Variants in PHF24 observed in about 807,000 individuals in gnomAD.
PHF24 encodes the protein Galpha inhibitory interacting protein.
PHF24 carries 25 observed loss-of-function variants against 42.6 expected under a neutral mutation model. The observed-to-expected ratio is 0.59, with a 90% CI of 0.43 to 0.82. PHF24 has a LOEUF of 0.82. PHF24 is among the 40% of genes least tolerant of loss of function. The pLI, the probability that PHF24 is intolerant of heterozygous loss-of-function variation, is 0.00. For missense variants in PHF24, 470 were observed against 538.1 expected, an observed-to-expected ratio of 0.87 and a Z score of 1.25; for synonymous variants, 185 against 204.8, an observed-to-expected ratio of 0.90 and a Z score of 0.83.
chr9:34,826,031 C>T, the PHF24 span, among the ~76,000 whole-genome samples: 8 of 151,990 alleles, frequency 5.3e-5, no homozygotes, highest in South Asian at 2.1e-4. Context: ...GGCAAGAACA[C>T]GAGAGAAGTT....
chr9:34,705,229 C>T, the PHF24 span, among the ~76,000 whole-genome samples: 831 of 152,116 alleles, frequency 5.5e-3, 8 homozygotes, highest in African/African-American at 0.019. Context: ...GAAATATTTA[C>T]GTGTCTCAGC....
the PHF24 span, among the ~76,000 whole-genome samples, chr9:34,878,369 C>T: frequency 5.3e-5 from 8 of 152,016 alleles, no homozygotes; most frequent in Admixed American, 1.3e-4. Context: ...TAGGGCTTGT[C>T]GGACAGTGGG....
the PHF24 span, among the ~76,000 whole-genome samples, chr9:34,710,561 G>C: frequency 6.7e-6 from 1 of 148,426 alleles, no homozygotes; most frequent in Non-Finnish European, 1.5e-5. Context: ...TCCGCCTCCT[G>C]GGCTCGAGTG....
chr9:34,849,619 T>C, the PHF24 span, among the ~76,000 whole-genome samples: 1 of 152,198 alleles, frequency 6.6e-6, no homozygotes, highest in African/African-American at 2.4e-5. Context: ...TTAATATTGT[T>C]ATGTGTGAAT....
At chr9:34,917,602 A>T in the PHF24 span, 1 of 775,690 alleles carries the variant, frequency 1.3e-6, no homozygotes, top group Non-Finnish European at 2.4e-6. Flanking sequence ...TCATGGGGAC[A>T]AATGGCCACC....
At chr9:34,932,187 C>G in the PHF24 span, among the ~76,000 whole-genome samples, 1 of 152,112 alleles carries the variant, frequency 6.6e-6, no homozygotes, top group Non-Finnish European at 1.5e-5. Flanking sequence ...TTCAACATAG[C>G]CAATATTCCC....
chr9:34,952,190 A>C, the PHF24 span, among the ~76,000 whole-genome samples: 4 of 152,192 alleles, frequency 2.6e-5, no homozygotes, highest in Non-Finnish European at 5.9e-5. Context: ...ATCTACACAA[A>C]AGCTCCTAGA....
chr9:34,805,417 T>C, the PHF24 span, among the ~76,000 whole-genome samples: 1 of 152,250 alleles, frequency 6.6e-6, no homozygotes, highest in Admixed American at 6.5e-5. Context: ...TATGAAGTGG[T>C]CACCCACTGT....
the PHF24 span, among the ~76,000 whole-genome samples, chr9:34,696,606 G>A: frequency 1.3e-5 from 2 of 151,946 alleles, no homozygotes; most frequent in South Asian, 4.1e-4. Context: ...TCCAAGACCC[G>A]AGTGTCTTGG....
At chr9:34,957,729 C>G (rs1587453929), upstream of PHF24, 1 of 152,294 alleles carries the variant, frequency 6.6e-6, no homozygotes, top group Admixed American at 6.5e-5. Context: ...GTCGTGAGCC[C>G]GGAGCCCTGC....
the PHF24 span, among the ~76,000 whole-genome samples, chr9:34,816,273 GTTTTC>G: frequency 6.6e-6 from 1 of 151,996 alleles, no homozygotes; most frequent in Non-Finnish European, 1.5e-5. Context: ...AAGCAGTGTT[GTTTTC>G]TTTTCTTATT....
the PHF24 span, among the ~76,000 whole-genome samples, chr9:34,669,671 T>C: frequency 6.6e-6 from 1 of 152,080 alleles, no homozygotes; most frequent in Non-Finnish European, 1.5e-5. Flanking sequence ...CTCCTATTTA[T>C]GGCCCCCTAA....
the PHF24 span, among the ~76,000 whole-genome samples, chr9:34,696,411 C>A: frequency 1.3e-5 from 2 of 150,882 alleles, no homozygotes; most frequent in South Asian, 4.2e-4. Flanking sequence ...TCGCTTTAAC[C>A]CGGGAGACAG....
At chr9:34,890,332 T>C in the PHF24 span, among the ~76,000 whole-genome samples, 1 of 152,224 alleles carries the variant, frequency 6.6e-6, no homozygotes, top group African/African-American at 2.4e-5. Flanking sequence ...GTCAACTGTT[T>C]TCTCTGCTGG....
chr9:34,957,954 C>T (rs1443800201), upstream of PHF24, among the ~76,000 whole-genome samples: 1 of 151,588 alleles, frequency 6.6e-6, no homozygotes, highest in African/African-American at 2.4e-5. Context: ...GCGCAGTCCC[C>T]GCGCCGCAGT....
chr9:34,948,946 C>A, the PHF24 span, among the ~76,000 whole-genome samples: 2 of 152,074 alleles, frequency 1.3e-5, no homozygotes, highest in Admixed American at 1.3e-4. Context: ...GAGTAAAGAG[C>A]CACATTATAT....
At chr9:34,669,703 GA>G in the PHF24 span, among the ~76,000 whole-genome samples, 4 of 152,078 alleles carry the variant, frequency 2.6e-5, no homozygotes, top group African/African-American at 9.7e-5. Flanking sequence ...TCTACGTTCA[GA>G]AACTTCCTTC....
chr9:34,920,490 T>C, the PHF24 span, among the ~76,000 whole-genome samples: 1 of 152,184 alleles, frequency 6.6e-6, no homozygotes, highest in Non-Finnish European at 1.5e-5. Flanking sequence ...TCTGGGTCTT[T>C]TGTGGTTCCA....
At chr9:34,894,374 A>C in the PHF24 span, 1 of 398,114 alleles carries the variant, frequency 2.5e-6, no homozygotes, top group Non-Finnish European at 4.4e-6. Flanking sequence ...TCTCTACCCC[A>C]AGCCAAGCTG....
Sources: gnomAD v4.1 joint callset for allele counts (sites outside exome capture counted in the v4.1 genomes callset) on GRCh38, gnomAD v4.1.1 for gene constraint, MANE v1.5 for transcripts, NCBI Gene and HGNC (gene_info 2026-07-23, HGNC 2026-07-21) for gene names.